Variants in TXNDC11 observed in about 807,000 individuals in gnomAD.
The protein encoded by TXNDC11 is thioredoxin domain containing 11, also known as thioredoxin domain-containing protein 11.
A neutral mutation model predicts 78.0 loss-of-function variants in TXNDC11; 68 were observed. That is an observed-to-expected ratio of 0.87 (90% confidence interval 0.72 to 1.07). TXNDC11 has a LOEUF of 1.07. Among genes scored for constraint, TXNDC11 ranks in the 50% least tolerant of loss-of-function variants. The pLI is 0.00. For missense variants in TXNDC11, 1,389 were observed against 1,221.8 expected, an observed-to-expected ratio of 1.14 and a Z score of -2.04; for synonymous variants, 571 against 495.2, an observed-to-expected ratio of 1.15 and a Z score of -2.03.
In TXNDC11 at chr16:11,684,147, A is replaced by G; in HGVS notation, c.2234+18T>C. ...AAAGAATCCCAACTGCCCACCAGTGACAAAAATTTGGCATTACCTGTTGCA... is the reference window on the plus strand; with the variant it reads ...AAAGAATCCCAACTGCCCACCAGTGGCAAAAATTTGGCATTACCTGTTGCA... On this transcript the variant is annotated intron_variant, in intron 11 of 11. Transcript: ENST00000283033. The G allele has an allele frequency of 6.3e-7, 1 of 1,597,632 alleles. No individual in the cohort carries two copies. Among genetic ancestry groups the G allele is most frequent in the South Asian group, 1.1e-5 (1 of 90,654 alleles).
At chr16:11,722,521 G>C (rs552200442) in intron 4 of TXNDC11, among the ~76,000 whole-genome samples, 3 of 152,348 alleles carry the variant, frequency 2.0e-5, no homozygotes, top group South Asian at 2.1e-4. Context: ...CCTGAGGAAA[G>C]AGTGCTGGAC....
At chr16:11,697,207 A>G (rs1040983655) in intron 7 of TXNDC11, among the ~76,000 whole-genome samples, 4 of 152,300 alleles carry the variant, frequency 2.6e-5, no homozygotes, top group Non-Finnish European at 5.9e-5. Context: ...TCATAACTTG[A>G]GCAAAAAGAC....
At chr16:11,702,061 T>C (rs966204982) in intron 5 of TXNDC11, among the ~76,000 whole-genome samples, 69 of 146,732 alleles carry the variant, frequency 4.7e-4, no homozygotes, top group African/African-American at 1.7e-3. Context: ...AAGTTATGTG[T>C]GTGTATGTGT....
At chr16:11,742,233 G>T (rs867969142) in intron 1 of TXNDC11, 1 of 426,234 alleles carries the variant, frequency 2.3e-6, no homozygotes, top group Admixed American at 4.5e-5. Flanking sequence ...CGCCTCCCTC[G>T]GCACTAAAGC....
chr16:11,680,845 T>C (rs571541361), intron 11 of TXNDC11, among the ~76,000 whole-genome samples: 1 of 152,254 alleles, frequency 6.6e-6, no homozygotes, highest in South Asian at 2.1e-4. Flanking sequence ...TCTTAACATA[T>C]AAGCTTTCTT....
chr16:11,709,423 ATTTTTTTTTTTTT>A (rs149701958), intron 5 of TXNDC11, among the ~76,000 whole-genome samples: 20 of 55,572 alleles, frequency 3.6e-4, no homozygotes, highest in African/African-American at 1.3e-3. Context: ...AATTTTTTGT[ATTTTTTTTTTTTT>A]TTTTTTTTTT....
Position 11,679,136 on chromosome 16 carries a change from CA to C in TXNDC11, c.*58del. ...TTACAATAAATTTCAATAAAATTTG[CA>C]TAAATATATTCCCAATGTACAATTT... On this transcript the variant is annotated 3_prime_UTR_variant, in exon 12 of 12. Coordinates refer to ENST00000283033, the MANE Select transcript of TXNDC11 (RefSeq NM_015914.7). The surrounding 1 kb of genome is among the most constrained non-coding windows in gnomAD (Gnocchi z 4.6). 6 of 1,529,230 alleles carry C rather than the reference CA, an allele frequency of 3.9e-6. No homozygotes were observed. The South Asian group carries it at 7.2e-5, about 18-fold the overall frequency. 94.7% of individuals were successfully genotyped at this position (1,529,230 alleles called of 1,614,324 possible).
At chr16:11,714,404 G>A (rs1432838278) in intron 5 of TXNDC11, among the ~76,000 whole-genome samples, 3 of 152,198 alleles carry the variant, frequency 2.0e-5, no homozygotes, top group Non-Finnish European at 4.4e-5. Flanking sequence ...ACTTTGGGAG[G>A]CCGAGGTGGG....
chr16:11,738,964 T>C (rs896110772), intron 1 of TXNDC11, among the ~76,000 whole-genome samples: 1 of 151,940 alleles, frequency 6.6e-6, no homozygotes, highest in Non-Finnish European at 1.5e-5. Context: ...GAGGCGGAGT[T>C]TGCAGTGAGC....
chr16:11,736,296 G>C (rs1221624551), intron 1 of TXNDC11, 63 bp from the exon 2 acceptor site: 1 of 1,278,598 alleles, frequency 7.8e-7, no homozygotes, highest in Non-Finnish European at 1.1e-6. Context: ...TAGCTCTGTG[G>C]AAGTAGAATG....
chr16:11,730,872 T>C (rs2052025287), intron 3 of TXNDC11, 98 bp from the exon 4 acceptor site: 1 of 938,988 alleles, frequency 1.1e-6, no homozygotes, highest in Non-Finnish European at 1.5e-6. Flanking sequence ...CACCACAAAA[T>C]GAAAGTGTCT....
chr16:11,723,235 G>A (rs1009640737), intron 4 of TXNDC11, among the ~76,000 whole-genome samples: 5 of 151,774 alleles, frequency 3.3e-5, no homozygotes, highest in East Asian at 1.9e-4. Flanking sequence ...TCCAGCAGGT[G>A]GGGGAGAGAG....
At chr16:11,684,921 A>G (rs1205677882) in intron 10 of TXNDC11, among the ~76,000 whole-genome samples, 1 of 152,256 alleles carries the variant, frequency 6.6e-6, no homozygotes, top group Non-Finnish European at 1.5e-5. Context: ...GGGGCTATTC[A>G]GCTACTATTC....
Position 11,700,532 on chromosome 16 carries a change from T to G in TXNDC11, c.826A>C (p.Thr276Pro). The G allele has an allele frequency of 6.2e-7, 1 of 1,606,574 alleles. No individual in the cohort carries two copies. The highest frequency in any genetic ancestry group is 1.1e-5 in the South Asian group (1 of 90,766). ...YLGTVRFGVI[T>P]NKHLAKLVSL... ...ACCAGTTTCGCAAGATGTTTATTTG[T>G]GATAACCCCAAATCGTACTGTTCCT... Residue 276 changes from threonine (T) to proline (P), a missense_variant, in exon 6 of 12, where the codon ACA (threonine) becomes CCA (proline). By Grantham distance (38) the Thr-to-Pro change is conservative. Coordinates refer to ENST00000283033, the MANE Select transcript of TXNDC11 (RefSeq NM_015914.7).
chr16:11,682,836 T>TA (rs2050459857), intron 11 of TXNDC11, among the ~76,000 whole-genome samples: 1 of 152,146 alleles, frequency 6.6e-6, no homozygotes, highest in Non-Finnish European at 1.5e-5. Context: ...GACAAGACCC[T>TA]ACTACCACAG....
chr16:11,695,624 A>C (rs1359209701), intron 7 of TXNDC11, among the ~76,000 whole-genome samples: 1 of 151,534 alleles, frequency 6.6e-6, no homozygotes, highest in Non-Finnish European at 1.5e-5. Context: ...TCCACCCTCC[A>C]CCTCTACCAC....
At chr16:11,708,301 T>C (rs774027968) in intron 5 of TXNDC11, among the ~76,000 whole-genome samples, 61 of 152,312 alleles carry the variant, frequency 4.0e-4, no homozygotes, top group Non-Finnish European at 7.4e-4. Context: ...ATTTTTTTCA[T>C]GAAAATCCAT....
intron 9 of TXNDC11, 77 bp downstream of exon 9, chr16:11,688,226 T>C: frequency 1.3e-6 from 2 of 1,509,708 alleles, no homozygotes; most frequent in Non-Finnish European, 1.8e-6. Flanking sequence ...AAACAGCTGC[T>C]CACCCCAACA....
chr16:11,690,281 A>G lies in TXNDC11; in HGVS notation c.1900+1009T>C, dbSNP rs570133438. ...TCCTGGGAACAGGCCAGGGTGGGTC[A>G]GCCCAATGTTGCTGCCAAGTCCCAG... On this transcript the variant is annotated intron_variant, in intron 8 of 11. Transcript: ENST00000283033. 2.5e-3 allele frequency among the ~76,000 whole-genome samples: 381 copies of G among 152,344 alleles called. 1 individual carries two copies. The highest frequency in any genetic ancestry group is 8.7e-3 in the African/African-American group (362 of 41,572).
Sources: gnomAD v4.1 joint callset for allele counts (sites outside exome capture counted in the v4.1 genomes callset) on GRCh38, gnomAD v4.1.1 for gene constraint, Gnocchi (gnomAD v3.1) non-coding constraint, MANE v1.5 for transcripts, NCBI Gene and HGNC (gene_info 2026-07-23, HGNC 2026-07-21) for gene names.